CNTNAP2: variants seen among roughly 807,000 people sequenced by gnomAD.
CNTNAP2 encodes contactin-associated protein-like 2.
A neutral mutation model predicts 155.2 loss-of-function variants in CNTNAP2; 98 were observed. The ratio of observed to expected loss-of-function variants is 0.63; its 90% CI spans 0.54 to 0.75. CNTNAP2 has a LOEUF of 0.75. Ranked by LOEUF, CNTNAP2 falls within the 30% of genes least tolerant of loss-of-function variation. The probability of loss-of-function intolerance (pLI) is 0.00; values close to 1 mark genes in which losing one functional copy is unlikely to be tolerated. For missense variants in CNTNAP2, 1,727 were observed against 1,688.1 expected (o/e 1.02, Z -0.40); for synonymous variants, 651 against 631.2 (o/e 1.03, Z -0.47).
At chr7:146,312,067 C>T (rs1800834735) in intron 1 of CNTNAP2, among the ~76,000 whole-genome samples, 1 of 152,128 alleles carries the variant, frequency 6.6e-6, no homozygotes, top group African/African-American at 2.4e-5. Context: ...ACCTATCCAG[C>T]GTTTTTCTGG....
At chr7:147,464,465 T>TAAAAA (rs71183005) in intron 10 of CNTNAP2, among the ~76,000 whole-genome samples, 1 of 65,968 alleles carries the variant, frequency 1.5e-5, no homozygotes, top group Non-Finnish European at 2.8e-5. Context: ...AGACTCCATC[T>TAAAAA]AAAAAAAAAA....
chr7:147,922,842 GT>G (rs1410633427), intron 14 of CNTNAP2, among the ~76,000 whole-genome samples: 1 of 152,164 alleles, frequency 6.6e-6, no homozygotes, highest in Non-Finnish European at 1.5e-5. Flanking sequence ...GCAAAAATCA[GT>G]TTGTTTGTTG....
At chr7:146,193,197 C>T (rs747714587) in intron 1 of CNTNAP2, among the ~76,000 whole-genome samples, 2 of 152,220 alleles carry the variant, frequency 1.3e-5, no homozygotes, top group Non-Finnish European at 2.9e-5. Flanking sequence ...ATGCTGTAAG[C>T]TGTCAGTGGT....
intron 8 of CNTNAP2, among the ~76,000 whole-genome samples, chr7:147,137,916 G>GATA (rs1554442430): frequency 4.5e-4 from 30 of 66,274 alleles, no homozygotes; most frequent in East Asian, 8.0e-4. Context: ...TAGATAGATA[G>GATA]GTAGATAGAT....
At chr7:147,667,434 TTTAATG>T (rs1365687619) in intron 13 of CNTNAP2, among the ~76,000 whole-genome samples, 1 of 152,174 alleles carries the variant, frequency 6.6e-6, no homozygotes, top group Admixed American at 6.5e-5. Flanking sequence ...AATAGAAACT[TTTAATG>T]ATATGGCACA....
At chr7:146,861,064 G>A (rs992902051) in intron 3 of CNTNAP2, among the ~76,000 whole-genome samples, 1 of 151,674 alleles carries the variant, frequency 6.6e-6, no homozygotes, top group East Asian at 1.9e-4. Context: ...TTGTTTGTTT[G>A]GTTTTTTGTT....
intron 18 of CNTNAP2, among the ~76,000 whole-genome samples, chr7:148,198,338 T>A (rs1319551139): frequency 1.3e-5 from 2 of 152,228 alleles, no homozygotes; most frequent in African/African-American, 4.8e-5. Flanking sequence ...AGAAGTTTCA[T>A]AAAGGTTGAT....
chr7:147,281,506 A>G (rs1000379477), intron 8 of CNTNAP2, among the ~76,000 whole-genome samples: 2 of 151,762 alleles, frequency 1.3e-5, no homozygotes, highest in African/African-American at 2.4e-5. Flanking sequence ...TTCCTTTAGT[A>G]TATTCACAGG....
intron 2 of CNTNAP2, among the ~76,000 whole-genome samples, chr7:146,802,433 A>T (rs761204473): frequency 2.0e-5 from 3 of 152,140 alleles, no homozygotes; most frequent in African/African-American, 4.8e-5. Flanking sequence ...TGATTTGGCT[A>T]TGTGTTCGCA....
chr7:147,488,518 A>G (rs1221248111), intron 11 of CNTNAP2, among the ~76,000 whole-genome samples: 1 of 151,270 alleles, frequency 6.6e-6, no homozygotes, highest in African/African-American at 2.4e-5. Context: ...CATCTTGAAA[A>G]GAAATCATGC....
At chr7:148,271,439 AG>A (rs1796777251) in intron 21 of CNTNAP2, among the ~76,000 whole-genome samples, 1 of 152,174 alleles carries the variant, frequency 6.6e-6, no homozygotes, top group African/African-American at 2.4e-5. Context: ...AATGTTCCCC[AG>A]GAGGGAAAAA....
chr7:147,057,623 A>C (rs971052628), intron 4 of CNTNAP2, among the ~76,000 whole-genome samples: 6 of 152,150 alleles, frequency 3.9e-5, no homozygotes, highest in African/African-American at 1.4e-4. Context: ...GAAGTGCATC[A>C]TATTTCCCTC....
intron 11 of CNTNAP2, among the ~76,000 whole-genome samples, chr7:147,554,181 A>G (rs1799906700): frequency 6.6e-6 from 1 of 152,190 alleles, no homozygotes; most frequent in Non-Finnish European, 1.5e-5. Context: ...ATAACCTAAT[A>G]GTAACCCTGA....
rs186174542 is a variant in CNTNAP2 at position 146,799,322 on chromosome 7, C to A, written c.208+24941C>A. Among the ~76,000 whole-genome samples the A allele has an allele frequency of 4.9e-3, 739 of 152,202 alleles. 7 individuals carry two copies. Among genetic ancestry groups the A allele is most frequent in the Non-Finnish European group, 8.4e-3 (571 of 68,002 alleles). On this transcript the variant is annotated intron_variant, in intron 2 of 23. Transcript: ENST00000361727. ...ATACTGAAAGATTCTTGATTGCTTA[C>A]CTGTTGATGTCATTCCCTAGGTGAC...
chr7:147,924,324 A>T (rs1800344808), intron 14 of CNTNAP2, among the ~76,000 whole-genome samples: 1 of 151,516 alleles, frequency 6.6e-6, no homozygotes. Context: ...TTTTTAGTAG[A>T]GACAGGGTTT....
intron 14 of CNTNAP2, among the ~76,000 whole-genome samples, chr7:147,911,926 C>T (rs1417007634): frequency 6.6e-6 from 1 of 152,104 alleles, no homozygotes; most frequent in Non-Finnish European, 1.5e-5. Context: ...GGTACAATTT[C>T]TTTTTAACGT....
chr7:147,474,285 C>G (rs2116614994), intron 10 of CNTNAP2, among the ~76,000 whole-genome samples: 1 of 152,010 alleles, frequency 6.6e-6, no homozygotes, highest in South Asian at 2.1e-4. Context: ...AAATGAGCCA[C>G]AGTTTTTTAA....
chr7:147,196,634 A>G (rs970207307), intron 8 of CNTNAP2, among the ~76,000 whole-genome samples: 9 of 152,206 alleles, frequency 5.9e-5, no homozygotes, highest in Non-Finnish European at 1.5e-5. Flanking sequence ...AACCTCGCCT[A>G]AGCACTCCTG....
At chr7:146,717,436 C>A (rs1047570717) in intron 1 of CNTNAP2, among the ~76,000 whole-genome samples, 2 of 151,572 alleles carry the variant, frequency 1.3e-5, no homozygotes, top group Non-Finnish European at 2.9e-5. Flanking sequence ...ATTGCTTGAA[C>A]CTGGGAGGTG....
Sources: allele counts gnomAD v4.1 joint callset (sites outside exome capture counted in the v4.1 genomes callset), GRCh38; gene constraint gnomAD v4.1.1; transcripts MANE v1.5; gene names NCBI Gene and HGNC (gene_info 2026-07-23, HGNC 2026-07-21).